The following DNAH14 variants were observed in gnomAD, a reference collection of about 807,000 sequenced individuals.
DNAH14 encodes dynein axonemal heavy chain 14.
Under a neutral mutation model 520.9 loss-of-function variants are expected in DNAH14, and 478 were observed. The observed-to-expected ratio is 0.92, with a 90% CI of 0.85 to 0.99. The LOEUF (loss-of-function observed/expected upper bound fraction) is 0.99. Ranked by LOEUF, DNAH14 falls within the 50% of genes least tolerant of loss-of-function variation. DNAH14 has a pLI of 0.00. For synonymous variants in DNAH14, 1,581 were observed against 1,757.2 expected (o/e 0.90, Z 2.51); for missense variants, 4,831 against 5,234.5 (o/e 0.92, Z 2.38).
At chr1:224,967,408 TA>T (rs145350269) in intron 5 of DNAH14, 22 bp from the exon 6 acceptor site, 64,853 of 1,492,292 alleles carry the variant, frequency 0.043, 1,640 homozygotes, top group East Asian at 0.2. Flanking sequence ...TAAATTTGTT[TA>T]TTATTTTTTT....
chr1:225,149,508 T>C (rs140974892), intron 31 of DNAH14, among the ~76,000 whole-genome samples: 1,661 of 152,370 alleles, frequency 0.011, 17 homozygotes, highest in Non-Finnish European at 0.016. Flanking sequence ...ATTGAATCTA[T>C]AAATTGCACT....
chr1:225,359,379 T>C (rs2095468666), intron 74 of DNAH14, among the ~76,000 whole-genome samples: 2 of 152,344 alleles, frequency 1.3e-5, no homozygotes, highest in South Asian at 2.1e-4. Context: ...TGCAAAAATA[T>C]GTTACAAAAT....
intron 10 of DNAH14, among the ~76,000 whole-genome samples, chr1:225,015,754 C>T (rs1002483284): frequency 1.3e-5 from 2 of 152,054 alleles, no homozygotes; most frequent in Non-Finnish European, 2.9e-5. Context: ...AAGCAAATTG[C>T]AATGGGAAGA....
intron 36 of DNAH14, among the ~76,000 whole-genome samples, chr1:225,173,935 A>G (rs1381996320): frequency 2.0e-5 from 3 of 152,256 alleles, no homozygotes; most frequent in African/African-American, 7.2e-5. Flanking sequence ...CAGGCATAAA[A>G]AAATGATGAG....
In DNAH14 at chr1:225,252,429, T is replaced by TA; in HGVS notation, c.6865+13dup. Reference sequence around the variant, plus strand: ...ACTAATTCAAAGAGGTAAGAATAATTATAAGAATCATACTTGTAACGTTAG... The same window carrying TA: ...ACTAATTCAAAGAGGTAAGAATAATTAATAAGAATCATACTTGTAACGTTAG... On this transcript the variant is annotated intron_variant, in intron 44 of 85. Transcript: ENST00000682510. The TA allele has an allele frequency of 2.2e-6, 3 of 1,361,986 alleles. No individual in the cohort carries two copies. The highest frequency in any genetic ancestry group is 3.1e-6 in the Non-Finnish European group (3 of 977,144). 84.4% of individuals were successfully genotyped at this position (1,361,986 alleles called of 1,614,324 possible).
At chr1:225,355,645 AAAAT>A (rs1189825742) in intron 73 of DNAH14, among the ~76,000 whole-genome samples, 1 of 152,258 alleles carries the variant, frequency 6.6e-6, no homozygotes, top group Non-Finnish European at 1.5e-5. Flanking sequence ...AAAAATAACT[AAAAT>A]AAATATCAGA....
chr1:225,325,157 CT>C (rs34311017), intron 64 of DNAH14, among the ~76,000 whole-genome samples: 35,357 of 144,882 alleles, frequency 0.24, 4,356 homozygotes, highest in East Asian at 0.35. Context: ...AATCTGTGCT[CT>C]TTTTTTTTTT....
intron 36 of DNAH14, among the ~76,000 whole-genome samples, chr1:225,173,331 A>G (rs1459974821): frequency 2.0e-5 from 3 of 152,180 alleles, no homozygotes; most frequent in Admixed American, 6.5e-5. Flanking sequence ...CAACCTACAG[A>G]ATGGGGGAAA....
intron 77 of DNAH14, among the ~76,000 whole-genome samples, chr1:225,372,885 A>G (rs2095635522): frequency 6.6e-6 from 1 of 150,760 alleles, no homozygotes; most frequent in Non-Finnish European, 1.5e-5. Context: ...CAGGCGGTGT[A>G]TAGAGGATTG....
chr1:225,083,730 T>TAACTGATATACATGCCC (rs1273385909), intron 20 of DNAH14, among the ~76,000 whole-genome samples: 1 of 152,178 alleles, frequency 6.6e-6, no homozygotes, highest in Non-Finnish European at 1.5e-5. Context: ...TAGAGCCTCC[T>TAACTGATATACATGCCC]AACTGATATA....
intron 41 of DNAH14, among the ~76,000 whole-genome samples, chr1:225,220,638 C>G (rs1251245414): frequency 6.6e-6 from 1 of 152,062 alleles, no homozygotes; most frequent in Non-Finnish European, 1.5e-5. Context: ...CACCACTGCT[C>G]AAGGAAATAA....
At chr1:224,989,271 A>G (rs1166244590) in intron 8 of DNAH14, among the ~76,000 whole-genome samples, 3 of 152,194 alleles carry the variant, frequency 2.0e-5, no homozygotes, top group African/African-American at 7.2e-5. Context: ...GTTGACACAC[A>G]AAATTAATCA....
At chr1:224,945,283 A>T (rs1013263818) in intron 1 of DNAH14, among the ~76,000 whole-genome samples, 1 of 152,104 alleles carries the variant, frequency 6.6e-6, no homozygotes, top group Non-Finnish European at 1.5e-5. Context: ...AGTTGATCGA[A>T]TCGGCTACTG....
intron 60 of DNAH14, among the ~76,000 whole-genome samples, chr1:225,308,824 T>C (rs2094300526): frequency 6.6e-6 from 1 of 152,246 alleles, no homozygotes; most frequent in African/African-American, 2.4e-5. Flanking sequence ...TTCTCCTCCA[T>C]ACATTCCAGT....
chr1:225,211,016 C>G (rs546595398), intron 41 of DNAH14, among the ~76,000 whole-genome samples: 13 of 152,296 alleles, frequency 8.5e-5, no homozygotes, highest in Admixed American at 7.8e-4. Context: ...GCATCAAAGA[C>G]CAAAGGTAGA....
intron 41 of DNAH14, among the ~76,000 whole-genome samples, chr1:225,214,359 C>T (rs937590671): frequency 2.4e-4 from 36 of 152,266 alleles, no homozygotes; most frequent in Non-Finnish European, 4.1e-4. Context: ...GGATATTGGT[C>T]TAAAATTCTC....
intron 61 of DNAH14, 77 bp from the exon 62 acceptor site, chr1:225,322,587 A>G (rs1265738784): frequency 1.5e-6 from 2 of 1,325,892 alleles, no homozygotes; most frequent in Admixed American, 5.5e-5. Context: ...ATCTGTGTAT[A>G]TTGTCTTCTG....
rs71170047 is a variant in DNAH14 at position 225,034,515 on chromosome 1, T to TTGTGTGTGTGTGTGTGTGTGTG, written c.1359-4165_1359-4144dup. ...ATTCATCAAGGATATTGGCTTGAAT[T>TTGTGTGTGTGTGTGTGTGTGTG]TGTGTGTGTGTGTGTGTGTGTGTGT... On this transcript the variant is annotated intron_variant, in intron 11 of 85. Coordinates refer to ENST00000682510, the MANE Select transcript of DNAH14 (RefSeq NM_001367479.1). Among the ~76,000 whole-genome samples, 1,216 of 147,770 alleles carry TTGTGTGTGTGTGTGTGTGTGTG rather than the reference T, an allele frequency of 8.2e-3. 11 individuals carry two copies. The highest frequency in any genetic ancestry group is 0.015 in the Admixed American group (217 of 14,786).
chr1:225,372,824 A>T (rs910688605), intron 77 of DNAH14, among the ~76,000 whole-genome samples: 1 of 140,608 alleles, frequency 7.1e-6, no homozygotes, highest in African/African-American at 2.5e-5. Flanking sequence ...TGTGACATAC[A>T]AAGAGCTCTT....
Sources: gnomAD v4.1 joint callset for allele counts (sites outside exome capture counted in the v4.1 genomes callset) on GRCh38, gnomAD v4.1.1 for gene constraint, MANE v1.5 for transcripts, NCBI Gene and HGNC (gene_info 2026-07-23, HGNC 2026-07-21) for gene names.